CEMIP: variants seen among roughly 807,000 people sequenced by gnomAD.
CEMIP encodes cell migration-inducing and hyaluronan-binding protein.
In CEMIP, 105 loss-of-function variants were observed where a neutral mutation model predicts 156.9. The observed-to-expected ratio is 0.67, with a 90% CI of 0.57 to 0.79. The LOEUF is 0.79. Among genes scored for constraint, CEMIP ranks in the 30% least tolerant of loss-of-function variants. The pLI is 0.00. For synonymous variants in CEMIP, 676 were observed against 668.4 expected, an observed-to-expected ratio of 1.01 and a Z score of -0.17; for missense variants, 1,457 against 1,769.4, an observed-to-expected ratio of 0.82 and a Z score of 3.17.
chr15:80,891,528 A>T (rs1182555071), intron 10 of CEMIP, among the ~76,000 whole-genome samples: 2 of 152,250 alleles, frequency 1.3e-5, no homozygotes, highest in African/African-American at 4.8e-5. Context: ...AGAGAACAGA[A>T]GATTCAACAG....
Position 80,817,530 on chromosome 15 carries a change from G to C in CEMIP, c.-176+37916G>C, listed in dbSNP as rs139074969. On this transcript the variant is annotated intron_variant, in intron 1 of 29. Transcript: ENST00000394685. The stretch of plus-strand genomic sequence containing the variant: ...GTGGGAGGATCACTTGAGTCCGGGA[G>C]GTAGAGGTTGTGGTGAGCGGTGATT... 6.2e-3 allele frequency among the ~76,000 whole-genome samples: 936 copies of C among 151,846 alleles called. 7 individuals are homozygous for C. Among genetic ancestry groups the C allele is most frequent in the Non-Finnish European group, 0.01 (686 of 67,974 alleles).
intron 10 of CEMIP, among the ~76,000 whole-genome samples, chr15:80,890,711 G>C (rs570821247): frequency 6.6e-6 from 1 of 151,994 alleles, no homozygotes; most frequent in South Asian, 2.1e-4. Flanking sequence ...ATCAAAGCTC[G>C]GGTCCCAGGT....
chr15:80,945,506 C>A (rs1419261536), intron 28 of CEMIP, among the ~76,000 whole-genome samples: 1 of 152,184 alleles, frequency 6.6e-6, no homozygotes, highest in Non-Finnish European at 1.5e-5. Flanking sequence ...GCAATGAGAC[C>A]TGTCTCCTTA....
intron 1 of CEMIP, among the ~76,000 whole-genome samples, chr15:80,841,524 G>A (rs1235842243): frequency 1.3e-5 from 2 of 152,254 alleles, no homozygotes; most frequent in Non-Finnish European, 2.9e-5. Flanking sequence ...CAAGGGATAT[G>A]ACTTCTAGAA....
intron 1 of CEMIP, among the ~76,000 whole-genome samples, chr15:80,811,163 T>C (rs1442485828): frequency 2.0e-5 from 3 of 152,204 alleles, no homozygotes; most frequent in African/African-American, 2.4e-5. Context: ...TGAAAATTCC[T>C]ATAATAGAAG....
chr15:80,884,379 A>T (rs1367694949), intron 7 of CEMIP, 25 bp downstream of exon 7: 1 of 1,612,582 alleles, frequency 6.2e-7, no homozygotes. Flanking sequence ...TTCGGCTTCC[A>T]CTGGGCTCTG....
intron 1 of CEMIP, among the ~76,000 whole-genome samples, chr15:80,841,245 G>A (rs371556638): frequency 1.3e-5 from 2 of 152,188 alleles, no homozygotes; most frequent in Admixed American, 1.3e-4. Flanking sequence ...TATGCAGGAC[G>A]ACCTATACAC....
At chr15:80,940,413 T>C (rs1189408433) in intron 25 of CEMIP, among the ~76,000 whole-genome samples, 2 of 152,248 alleles carry the variant, frequency 1.3e-5, no homozygotes, top group African/African-American at 4.8e-5. Context: ...ATTTCTGTGC[T>C]TGGTCCCAGG....
chr15:80,900,841 G>T, intron 12 of CEMIP: 5 of 432,008 alleles, frequency 1.2e-5, no homozygotes, highest in South Asian at 8.3e-5. Context: ...TAGGGACACA[G>T]CTATCTCTTA....
At chr15:80,900,385 C>T (rs1007784993) in intron 12 of CEMIP, among the ~76,000 whole-genome samples, 4 of 152,252 alleles carry the variant, frequency 2.6e-5, no homozygotes, top group African/African-American at 9.6e-5. Flanking sequence ...GAAGATCCTG[C>T]GCCCACCTCA....
At chr15:80,853,270 A>T (rs1342115709) in intron 1 of CEMIP, among the ~76,000 whole-genome samples, 2 of 152,184 alleles carry the variant, frequency 1.3e-5, no homozygotes, top group Admixed American at 6.5e-5. Context: ...GGGGAAAAGC[A>T]TGGGGTTTGG....
At chr15:80,879,998 G>C in intron 5 of CEMIP, 144 bp downstream of exon 5, 2 of 928,680 alleles carry the variant, frequency 2.2e-6, no homozygotes, top group Non-Finnish European at 3.4e-6. Context: ...TCATGAACAA[G>C]ACAGACATGG....
At chr15:80,912,117 G>T (rs1399161041) in intron 14 of CEMIP, among the ~76,000 whole-genome samples, 1 of 142,628 alleles carries the variant, frequency 7.0e-6, no homozygotes, top group South Asian at 2.3e-4. Flanking sequence ...GGCTGGGAGA[G>T]ACTGGGAAAG....
chr15:80,886,306 T>G (rs1596159068), intron 7 of CEMIP, among the ~76,000 whole-genome samples: 4 of 147,758 alleles, frequency 2.7e-5, no homozygotes, highest in East Asian at 2.0e-4. Flanking sequence ...GGGTGAGAGG[T>G]GAGGCTGGAG....
chr15:80,811,722 T>C (rs1035246676), intron 1 of CEMIP, among the ~76,000 whole-genome samples: 1 of 152,260 alleles, frequency 6.6e-6, no homozygotes, highest in Admixed American at 6.5e-5. Flanking sequence ...GCCCGCCTAA[T>C]GTTTTCTATG....
At chr15:80,889,136 C>T (rs1170918899) in intron 9 of CEMIP, among the ~76,000 whole-genome samples, 2 of 152,226 alleles carry the variant, frequency 1.3e-5, no homozygotes, top group African/African-American at 4.8e-5. Flanking sequence ...AGCCCACATG[C>T]AGGGATTGCA....
chr15:80,858,736 G>GA (rs927679877), intron 1 of CEMIP, among the ~76,000 whole-genome samples: 1 of 151,614 alleles, frequency 6.6e-6, no homozygotes, highest in Non-Finnish European at 1.5e-5. Flanking sequence ...AAAAAAAAAA[G>GA]AAAAAAAGAA....
At chr15:80,804,202 T>C (rs1316254474) in intron 1 of CEMIP, among the ~76,000 whole-genome samples, 1 of 152,228 alleles carries the variant, frequency 6.6e-6, no homozygotes, top group African/African-American at 2.4e-5. Flanking sequence ...CAATTGAAGA[T>C]GAGATTTGGG....
chr15:80,804,006 A>G lies in CEMIP; in HGVS notation c.-176+24392A>G, dbSNP rs1261993296. 3.3e-5 allele frequency among the ~76,000 whole-genome samples: 5 copies of G among 152,226 alleles called. No individual in the cohort carries two copies. The South Asian group carries it at 8.3e-4, about 25-fold the overall frequency. ...ACAATGATGGTGAAAGGCAAAGGAGAAGCAAAGGCACATGTTGCATGCCAG... is the reference window on the plus strand; with the variant it reads ...ACAATGATGGTGAAAGGCAAAGGAGGAGCAAAGGCACATGTTGCATGCCAG... On this transcript the variant is annotated intron_variant, in intron 1 of 29. Coordinates refer to ENST00000394685, the MANE Select transcript of CEMIP (RefSeq NM_001293298.2).
Sources: allele counts gnomAD v4.1 joint callset (sites outside exome capture counted in the v4.1 genomes callset), GRCh38; gene constraint gnomAD v4.1.1; transcripts MANE v1.5; gene names NCBI Gene and HGNC (gene_info 2026-07-23, HGNC 2026-07-21).